The following FBN2 variants were observed in gnomAD, a reference collection of about 807,000 sequenced individuals.
FBN2 encodes fibrillin 2, also known as fibrillin-2.
In FBN2, 105 loss-of-function variants were observed where a neutral mutation model predicts 355.6. The ratio of observed to expected loss-of-function variants is 0.30; its 90% CI spans 0.25 to 0.35. The LOEUF (loss-of-function observed/expected upper bound fraction) is 0.35. FBN2 is among the 10% of genes least tolerant of loss of function. The pLI is 1.00. For synonymous variants in FBN2, 1,350 were observed against 1,301.2 expected, an observed-to-expected ratio of 1.04 and a Z score of -0.81; for missense variants, 3,280 against 3,758.7, an observed-to-expected ratio of 0.87 and a Z score of 3.33.
chr5:128,342,838 C>G (rs1751063174), intron 25 of FBN2, among the ~76,000 whole-genome samples: 1 of 152,006 alleles, frequency 6.6e-6, no homozygotes, highest in South Asian at 2.1e-4. Flanking sequence ...AAGCGATCCT[C>G]CTGCCTCAGC....
chr5:128,311,768 C>T (rs777658914), intron 38 of FBN2, 117 bp downstream of exon 38: 123 of 758,712 alleles, frequency 1.6e-4, no homozygotes, highest in Admixed American at 6.8e-4. Flanking sequence ...TAAAGTCCAT[C>T]TGTAATTTTA....
intron 45 of FBN2, among the ~76,000 whole-genome samples, chr5:128,304,399 T>C (rs1375336044): frequency 1.3e-5 from 2 of 152,202 alleles, no homozygotes; most frequent in Non-Finnish European, 2.9e-5. Context: ...TGGCTACCCA[T>C]TACATTAGCT....
intron 6 of FBN2, among the ~76,000 whole-genome samples, chr5:128,450,816 G>A (rs976064527): frequency 3.3e-5 from 5 of 151,976 alleles, no homozygotes; most frequent in Non-Finnish European, 7.4e-5. Context: ...ACACAAATTT[G>A]TTACACTCTC....
intron 7 of FBN2, among the ~76,000 whole-genome samples, chr5:128,440,854 T>C (rs1250800367): frequency 6.6e-6 from 1 of 152,236 alleles, no homozygotes; most frequent in Non-Finnish European, 1.5e-5. Flanking sequence ...CGGCATAGAA[T>C]ACTTCGGAGA....
chr5:128,272,934 T>C (rs571248309), intron 61 of FBN2, among the ~76,000 whole-genome samples: 7 of 152,118 alleles, frequency 4.6e-5, no homozygotes, highest in Non-Finnish European at 8.8e-5. Context: ...AATATTAAAA[T>C]TGACATTTTA....
At chr5:128,331,573 A>G (rs1399418775) in intron 32 of FBN2, among the ~76,000 whole-genome samples, 1 of 152,216 alleles carries the variant, frequency 6.6e-6, no homozygotes, top group Non-Finnish European at 1.5e-5. Context: ...GATCGAATCC[A>G]TGGTTTAAAA....
chr5:128,330,534 GA>G, intron 33 of FBN2, 38 bp downstream of exon 33: 1 of 1,611,712 alleles, frequency 6.2e-7, no homozygotes, highest in Non-Finnish European at 8.5e-7. Flanking sequence ...AGTGTTCTAT[GA>G]CCATCCCGTC....
chr5:128,512,505 C>T (rs899777374), intron 5 of FBN2, among the ~76,000 whole-genome samples: 6 of 138,852 alleles, frequency 4.3e-5, no homozygotes, highest in African/African-American at 1.3e-4. Flanking sequence ...AGAGCAGGAA[C>T]CCGTCTCAAA....
chr5:128,468,608 C>A (rs1217894023), intron 5 of FBN2, among the ~76,000 whole-genome samples: 2 of 152,106 alleles, frequency 1.3e-5, no homozygotes, highest in East Asian at 3.8e-4. Flanking sequence ...CTAGTTCTTC[C>A]ACATCTTTGT....
chr5:128,395,785 A>C (rs1291623065), intron 8 of FBN2, among the ~76,000 whole-genome samples: 2 of 152,226 alleles, frequency 1.3e-5, no homozygotes. Context: ...CACTATGACT[A>C]GAGAACAGCA....
intron 14 of FBN2, among the ~76,000 whole-genome samples, chr5:128,376,027 A>T (rs574048715): frequency 6.6e-6 from 1 of 152,118 alleles, no homozygotes; most frequent in Non-Finnish European, 1.5e-5. Context: ...CAGAGCAAAA[A>T]CCTATCTCAA....
intron 7 of FBN2, among the ~76,000 whole-genome samples, chr5:128,438,867 C>T (rs184245316): frequency 2.6e-5 from 4 of 152,192 alleles, no homozygotes; most frequent in Non-Finnish European, 5.9e-5. Flanking sequence ...TGTGAAATCT[C>T]CTCTCCATTC....
intron 62 of FBN2, among the ~76,000 whole-genome samples, chr5:128,270,552 A>T (rs1289601540): frequency 2.0e-5 from 3 of 152,184 alleles, no homozygotes; most frequent in Non-Finnish European, 4.4e-5. Context: ...ATCCCTGAAG[A>T]AAACGTCGGC....
intron 55 of FBN2, among the ~76,000 whole-genome samples, chr5:128,281,844 C>G (rs1765557170): frequency 6.6e-6 from 1 of 152,128 alleles, no homozygotes; most frequent in Non-Finnish European, 1.5e-5. Context: ...CGCCACCACG[C>G]CCAGCTAATT....
intron 5 of FBN2, among the ~76,000 whole-genome samples, chr5:128,500,709 G>T (rs1264206282): frequency 6.6e-6 from 1 of 152,000 alleles, no homozygotes; most frequent in Admixed American, 6.5e-5. Flanking sequence ...CTCCTAAAGT[G>T]CTGGGATTAC....
intron 6 of FBN2, among the ~76,000 whole-genome samples, chr5:128,457,152 G>A (rs1754415919): frequency 6.6e-6 from 1 of 152,146 alleles, no homozygotes; most frequent in Admixed American, 6.5e-5. Flanking sequence ...ACTTCATGAA[G>A]CATACACAAG....
At chr5:128,507,372 A>C (rs1352421405) in intron 5 of FBN2, among the ~76,000 whole-genome samples, 1 of 152,126 alleles carries the variant, frequency 6.6e-6, no homozygotes, top group Non-Finnish European at 1.5e-5. Context: ...AAAATTATGT[A>C]GTATTTGCAT....
chr5:128,268,828 C>T (rs994671924), intron 62 of FBN2, among the ~76,000 whole-genome samples: 1 of 152,138 alleles, frequency 6.6e-6, no homozygotes, highest in African/African-American at 2.4e-5. Context: ...CTCAACATCT[C>T]TTCATGTTAA....
chr5:128,461,041 G>T (rs1754541129), intron 6 of FBN2, among the ~76,000 whole-genome samples: 2 of 152,158 alleles, frequency 1.3e-5, no homozygotes, highest in Non-Finnish European at 2.9e-5. Flanking sequence ...CACAGCAAAA[G>T]TAACTATCAT....
Sources: gnomAD v4.1 joint callset for allele counts (sites outside exome capture counted in the v4.1 genomes callset) on GRCh38, gnomAD v4.1.1 for gene constraint, MANE v1.5 for transcripts, NCBI Gene and HGNC (gene_info 2026-07-23, HGNC 2026-07-21) for gene names.